LIPC: variants seen among roughly 807,000 people sequenced by gnomAD.
LIPC encodes the protein hepatic triacylglycerol lipase.
In LIPC, 44 loss-of-function variants were observed where a neutral mutation model predicts 50.7. The ratio of observed to expected loss-of-function variants is 0.87; its 90% CI spans 0.68 to 1.11. The LOEUF is 1.11. LIPC is among the 50% of genes most tolerant of loss of function. The pLI is 0.00. For missense variants in LIPC, 697 were observed against 648.2 expected (o/e 1.08, Z -0.82); for synonymous variants, 271 against 256.4 (o/e 1.06, Z -0.54).
intron 1 of LIPC, among the ~76,000 whole-genome samples, chr15:58,469,102 T>TTGTGTG (rs56309142): frequency 0.25 from 34,391 of 140,330 alleles, 4,276 homozygotes; most frequent in Admixed American, 0.31. Flanking sequence ...AGGGAACATT[T>TTGTGTG]TGTGTGTGTG....
chr15:58,520,327 G>C (rs1398790262), intron 1 of LIPC, among the ~76,000 whole-genome samples: 1 of 152,086 alleles, frequency 6.6e-6, no homozygotes, highest in Non-Finnish European at 1.5e-5. Context: ...ATCTCCTGTA[G>C]CAGCCCCCAA....
chr15:58,548,763 C>T (rs116673067), intron 6 of LIPC, among the ~76,000 whole-genome samples, 191 bp downstream of exon 6: 434 of 152,266 alleles, frequency 2.9e-3, no homozygotes, highest in African/African-American at 9.8e-3. Context: ...GCCACCTTGC[C>T]GCCAAGGGCT....
intron 1 of LIPC, among the ~76,000 whole-genome samples, chr15:58,475,190 T>C (rs1380398488): frequency 2.0e-5 from 3 of 152,294 alleles, no homozygotes; most frequent in Non-Finnish European, 2.9e-5. Context: ...CTCCCCTCCA[T>C]TGCCACTGCC....
At chr15:58,530,317 C>G in intron 1 of LIPC, among the ~76,000 whole-genome samples, 1 of 152,216 alleles carries the variant, frequency 6.6e-6, no homozygotes, top group East Asian at 1.9e-4. Context: ...AGGGCTGGCT[C>G]CCTCCCCGAC....
chr15:58,464,848 C>A (rs1352075228), intron 1 of LIPC, among the ~76,000 whole-genome samples: 6 of 152,120 alleles, frequency 3.9e-5, no homozygotes, highest in Non-Finnish European at 8.8e-5. Flanking sequence ...TGGTGTGCAC[C>A]TGTAGTCCCA....
intron 1 of LIPC, among the ~76,000 whole-genome samples, chr15:58,461,570 G>A (rs1174244070): frequency 6.6e-6 from 1 of 151,194 alleles, no homozygotes; most frequent in African/African-American, 2.4e-5. Context: ...CACCATGCCA[G>A]GCTAATTTTT....
rs558127333 is a variant in LIPC at position 58,432,266 on chromosome 15, A to C, written c.88+146A>C. On this transcript the variant is annotated intron_variant, in intron 1 of 8. Coordinates refer to ENST00000299022, the MANE Select transcript of LIPC (RefSeq NM_000236.3). ...GTTCTATACACGACCTCACAGGTTC[A>C]CAGGGACACGTAGCCGTTTGTAAAC... 289 of 701,752 alleles carry C rather than the reference A, an allele frequency of 4.1e-4. 1 individual carries two copies. The African/African-American group carries it at 4.3e-3, about 10-fold the overall frequency. The allele number at this position is 701,752 out of a possible 1,614,324, so 43.5% of individuals were successfully genotyped here.
In LIPC at chr15:58,439,745, G is replaced by A. The variant is rs188549365; in HGVS notation, c.88+7625G>A. ...GCGTGAGCCACCGCCCCCGGCCAGG[G>A]CTTATTAAAATAAGATTCTGGGGCC... On this transcript the variant is annotated intron_variant, in intron 1 of 8. Transcript: ENST00000299022. Among the ~76,000 whole-genome samples, 27 of 152,256 alleles carry A rather than the reference G, an allele frequency of 1.8e-4. No individual in the cohort carries two copies. The East Asian group carries it at 5.0e-3, about 28-fold the overall frequency.
chr15:58,434,093 AG>A (rs1329469707), intron 1 of LIPC, among the ~76,000 whole-genome samples: 4 of 152,014 alleles, frequency 2.6e-5, no homozygotes, highest in Non-Finnish European at 4.4e-5. Context: ...TGTTAAGACC[AG>A]GGAGAGAGTG....
At chr15:58,557,210 G>A (rs1211630890) in intron 6 of LIPC, among the ~76,000 whole-genome samples, 5 of 152,068 alleles carry the variant, frequency 3.3e-5, no homozygotes, top group African/African-American at 1.2e-4. Flanking sequence ...TGTGTGATCC[G>A]AGAAAAGTCA....
chr15:58,471,903 G>A (rs1193436586), intron 1 of LIPC, among the ~76,000 whole-genome samples: 1 of 152,094 alleles, frequency 6.6e-6, no homozygotes, highest in Non-Finnish European at 1.5e-5. Flanking sequence ...AGCTCCCTGA[G>A]GGCAGGGGAC....
At chr15:58,468,201 T>C (rs116344706) in intron 1 of LIPC, among the ~76,000 whole-genome samples, 22 of 152,310 alleles carry the variant, frequency 1.4e-4, no homozygotes, top group African/African-American at 5.1e-4. Flanking sequence ...TTGTCTATAC[T>C]GCACCTGCAT....
At chr15:58,444,696 C>T (rs887116636) in intron 1 of LIPC, among the ~76,000 whole-genome samples, 3 of 152,162 alleles carry the variant, frequency 2.0e-5, no homozygotes, top group Non-Finnish European at 2.9e-5. Context: ...ACCCCAGTGA[C>T]CTTATTTCAC....
chr15:58,560,438 G>A (rs1894120029), intron 6 of LIPC, among the ~76,000 whole-genome samples: 1 of 152,144 alleles, frequency 6.6e-6, no homozygotes, highest in African/African-American at 2.4e-5. Context: ...CCATCAGAGA[G>A]CAGCAATAAT....
At chr15:58,481,469 T>C (rs573714635) in intron 1 of LIPC, among the ~76,000 whole-genome samples, 2 of 152,188 alleles carry the variant, frequency 1.3e-5, no homozygotes, top group South Asian at 2.1e-4. Context: ...GATAAATAAA[T>C]CAGGATATAT....
intron 1 of LIPC, among the ~76,000 whole-genome samples, chr15:58,457,417 C>T (rs527530937): frequency 1.4e-3 from 206 of 152,306 alleles, no homozygotes; most frequent in Non-Finnish European, 2.4e-3. Flanking sequence ...GCAGACATGA[C>T]GTATTCTAAG....
At chr15:58,503,184 T>C (rs1368045261) in intron 1 of LIPC, among the ~76,000 whole-genome samples, 2 of 145,096 alleles carry the variant, frequency 1.4e-5, no homozygotes, top group South Asian at 2.1e-4. Context: ...AGGGGGAAAC[T>C]GAGGTGCAGA....
At chr15:58,456,031 G>A (rs1894098853) in intron 1 of LIPC, among the ~76,000 whole-genome samples, 2 of 152,072 alleles carry the variant, frequency 1.3e-5, no homozygotes, top group Admixed American at 6.5e-5. Flanking sequence ...TCTCCAAGGT[G>A]GTCTGAGAAG....
intron 1 of LIPC, among the ~76,000 whole-genome samples, chr15:58,444,616 A>G (rs1320499121): frequency 6.6e-6 from 1 of 152,088 alleles, no homozygotes; most frequent in Non-Finnish European, 1.5e-5. Context: ...CTGTCTGCAC[A>G]CAGTCTTCTA....
Sources: allele counts gnomAD v4.1 joint callset (sites outside exome capture counted in the v4.1 genomes callset), GRCh38; gene constraint gnomAD v4.1.1; transcripts MANE v1.5; gene names NCBI Gene and HGNC (gene_info 2026-07-23, HGNC 2026-07-21).